The following DCDC1 variants were observed in gnomAD, a reference collection of about 807,000 sequenced individuals.
The protein encoded by DCDC1 is doublecortin domain containing 1, also known as doublecortin domain-containing protein 1.
A neutral mutation model predicts 178.3 loss-of-function variants in DCDC1; 200 were observed. The ratio of observed to expected loss-of-function variants is 1.12; its 90% CI spans 1.00 to 1.26. The LOEUF (loss-of-function observed/expected upper bound fraction) is 1.26. DCDC1 is among the 50% of genes most tolerant of loss of function. The probability of loss-of-function intolerance (pLI) is 0.00; values close to 1 mark genes in which losing one functional copy is unlikely to be tolerated. For synonymous variants in DCDC1, 690 were observed against 604.8 expected, an observed-to-expected ratio of 1.14 and a Z score of -2.07; for missense variants, 1,983 against 1,749.2, an observed-to-expected ratio of 1.13 and a Z score of -2.38.
Position 31,081,438 on chromosome 11 carries a change from T to C in DCDC1, c.2238-3513A>G, listed in dbSNP as rs1170458590. Among the ~76,000 whole-genome samples the C allele has an allele frequency of 5.3e-5, 8 of 152,034 alleles. No homozygotes were observed. The South Asian group carries it at 1.7e-3, about 32-fold the overall frequency. On this transcript the variant is annotated intron_variant, in intron 17 of 38. Coordinates refer to ENST00000684477, the MANE Select transcript of DCDC1 (RefSeq NM_001387274.1). ...TCCTGGCTAACATGGTGAAACCTCG[T>C]CTCTACTAAAAATACAAAAAAATTA...
At chr11:31,260,406 A>T (rs1250990349) in intron 8 of DCDC1, among the ~76,000 whole-genome samples, 1 of 152,226 alleles carries the variant, frequency 6.6e-6, no homozygotes, top group Admixed American at 6.5e-5. Flanking sequence ...TTTTATGATG[A>T]AATATCCTGT....
intron 9 of DCDC1, among the ~76,000 whole-genome samples, chr11:31,181,234 A>C (rs1346033874): frequency 6.6e-6 from 1 of 151,832 alleles, no homozygotes; most frequent in African/African-American, 2.4e-5. Context: ...TATAGATAAA[A>C]CTCCCATTTC....
intron 3 of DCDC1, among the ~76,000 whole-genome samples, chr11:31,315,243 C>T (rs1949006070): frequency 6.6e-6 from 1 of 151,602 alleles, no homozygotes; most frequent in Admixed American, 6.6e-5. Flanking sequence ...CTCATTACTC[C>T]CCTGTAATAT....
intron 20 of DCDC1, among the ~76,000 whole-genome samples, chr11:31,035,762 T>C (rs1416137009): frequency 4.6e-5 from 7 of 152,286 alleles, no homozygotes; most frequent in Non-Finnish European, 8.8e-5. Context: ...CCTGCACTGA[T>C]GGATCTTGCT....
intron 38 of DCDC1, among the ~76,000 whole-genome samples, chr11:30,874,005 C>A (rs1426034702): frequency 6.6e-6 from 1 of 152,188 alleles, no homozygotes; most frequent in Non-Finnish European, 1.5e-5. Flanking sequence ...GACTCAAGAA[C>A]ATTTCCATCA....
At chr11:31,213,448 G>T (rs981184029) in intron 9 of DCDC1, among the ~76,000 whole-genome samples, 4 of 151,896 alleles carry the variant, frequency 2.6e-5, no homozygotes, top group African/African-American at 9.7e-5. Context: ...GCAGGGGGCG[G>T]TGGCTTATCA....
chr11:31,026,961 A>G (rs1481079972), intron 20 of DCDC1, among the ~76,000 whole-genome samples: 1 of 151,784 alleles, frequency 6.6e-6, no homozygotes, highest in Non-Finnish European at 1.5e-5. Flanking sequence ...GAAGTACTAT[A>G]TATTTAACTA....
intron 10 of DCDC1, among the ~76,000 whole-genome samples, chr11:31,134,242 A>G (rs571612148): frequency 6.6e-6 from 1 of 152,344 alleles, no homozygotes; most frequent in East Asian, 1.9e-4. Flanking sequence ...GGATGATGTC[A>G]ATTATACCTA....
rs547154324 is a variant in DCDC1, at chr11:31,236,457, C to T, written c.1221+4993G>A. Among the ~76,000 whole-genome samples, 545 of 152,140 alleles carry T rather than the reference C, an allele frequency of 3.6e-3. 1 individual carries two copies. The highest frequency in any genetic ancestry group is 6.8e-3 in the Middle Eastern group (2 of 294). On this transcript the variant is annotated intron_variant, in intron 9 of 38. Transcript: ENST00000684477. ...TACTCACTGAAGCAAACTGCTGACA[C>T]CTTTTTTAAAAAGTGACAACTACAT...
At chr11:30,974,350 A>C (rs158581) in intron 20 of DCDC1, among the ~76,000 whole-genome samples, 15,101 of 151,824 alleles carry the variant, frequency 0.099, 946 homozygotes, top group Admixed American at 0.19. Flanking sequence ...AAAAAATCCC[A>C]AAATTAGTAG....
chr11:31,210,531 T>C (rs1972383102), intron 9 of DCDC1, among the ~76,000 whole-genome samples: 1 of 151,864 alleles, frequency 6.6e-6, no homozygotes, highest in Non-Finnish European at 1.5e-5. Context: ...GCCAATGCGG[T>C]GAAACCCCGT....
chr11:31,294,792 TAAA>T (rs1316941288), intron 6 of DCDC1, among the ~76,000 whole-genome samples: 1 of 68,030 alleles, frequency 1.5e-5, no homozygotes, highest in Non-Finnish European at 3.1e-5. Context: ...GAAAGAAAAA[TAAA>T]GAAAAAGAAA....
Position 31,306,306 on chromosome 11 carries a change from C to T in DCDC1, c.517G>A (p.Val173Met), listed in dbSNP as rs779804833. Residue 173 changes from valine to methionine, a missense_variant, in exon 5 of 39, where the codon GTG becomes ATG. Physicochemically the swap from Val to Met is conservative, Grantham distance 21. Coordinates refer to ENST00000684477, the MANE Select transcript of DCDC1 (RefSeq NM_001387274.1). ...TTTTTGTAAGCTGTTACTTTAATCA[C>T]TCTTGGTTGAAGTTTGTGTCTTTGA... Reference protein sequence around the residue: ...LSQRHKLQPRVIKVTAYKNGS... With the variant: ...LSQRHKLQPRMIKVTAYKNGS... 3.7e-6 allele frequency: 6 copies of T among 1,611,258 alleles called. No individual in the cohort carries two copies. The highest frequency in any genetic ancestry group is 1.7e-5 in the Admixed American group (1 of 59,724).
At chr11:30,982,181 T>C (rs1950422674) in intron 20 of DCDC1, among the ~76,000 whole-genome samples, 1 of 152,202 alleles carries the variant, frequency 6.6e-6, no homozygotes, top group Admixed American at 6.5e-5. Context: ...GTCCCGCAAA[T>C]TAGTATTGCT....
intron 8 of DCDC1, among the ~76,000 whole-genome samples, chr11:31,257,693 A>AACACACACACACACAC (rs60535376): frequency 5.1e-4 from 73 of 143,920 alleles, no homozygotes; most frequent in African/African-American, 1.6e-3. Context: ...CAGATAGGAA[A>AACACACACACACACAC]ACACACACAC....
At chr11:30,942,151 G>A (rs982414929) in intron 21 of DCDC1, among the ~76,000 whole-genome samples, 1 of 152,100 alleles carries the variant, frequency 6.6e-6, no homozygotes, top group Non-Finnish European at 1.5e-5. Context: ...GGAGCAACAT[G>A]GGGCTGTTTT....
chr11:30,934,229 T>C (rs949675055), intron 21 of DCDC1, among the ~76,000 whole-genome samples: 1 of 152,112 alleles, frequency 6.6e-6, no homozygotes, highest in African/African-American at 2.4e-5. Flanking sequence ...GGCGACCCCC[T>C]AGGGACTCCT....
intron 20 of DCDC1, among the ~76,000 whole-genome samples, chr11:30,979,567 G>A (rs1950281445): frequency 6.6e-6 from 1 of 152,044 alleles, no homozygotes. Flanking sequence ...TCTAGATGCT[G>A]TTTCTCTTGG....
chr11:30,943,506 C>G, intron 21 of DCDC1: 1 of 348,392 alleles, frequency 2.9e-6, no homozygotes, highest in Non-Finnish European at 5.7e-6. Flanking sequence ...ACAGCTCATT[C>G]CAAAATCGTA....
Sources: allele counts gnomAD v4.1 joint callset (sites outside exome capture counted in the v4.1 genomes callset), GRCh38; gene constraint gnomAD v4.1.1; transcripts MANE v1.5; gene names NCBI Gene and HGNC (gene_info 2026-07-23, HGNC 2026-07-21).